MYH14: variants seen among roughly 807,000 people sequenced by gnomAD.
The protein encoded by MYH14 is myosin heavy chain 14, also known as myosin-14.
MYH14 carries 123 observed loss-of-function variants against 255.5 expected under a neutral mutation model. The observed-to-expected ratio is 0.48, with a 90% confidence interval of 0.42 to 0.56. The LOEUF is 0.56. Among genes scored for constraint, MYH14 ranks in the 20% least tolerant of loss-of-function variants. The pLI is 0.00. For synonymous variants in MYH14, 1,095 were observed against 1,161.2 expected, an observed-to-expected ratio of 0.94 and a Z score of 1.16; for missense variants, 2,423 against 2,802.3, an observed-to-expected ratio of 0.86 and a Z score of 3.06.
chr19:50,234,064 C>CCCGCCT (rs1411893164), intron 10 of MYH14, among the ~76,000 whole-genome samples: 1 of 152,022 alleles, frequency 6.6e-6, no homozygotes, highest in African/African-American at 2.4e-5. Flanking sequence ...AAGTGATCCT[C>CCCGCCT]CCGCCTCCGC....
rs2123369917 is a variant in MYH14 at position 50,266,153 on chromosome 19, CG to C, written c.2695-723del. On this transcript the variant is annotated intron_variant, in intron 22 of 42. Transcript: ENST00000642316. This position sits in a 1 kb window ranked among gnomAD's most constrained non-coding sequence, Gnocchi z 4.1. ...AGCAGATCTCACTTAGCAAGGGCGACGAGGTTTTGTGAAATTTTTGTTTCAG... is the reference window on the plus strand; with the variant it reads ...AGCAGATCTCACTTAGCAAGGGCGACAGGTTTTGTGAAATTTTTGTTTCAG... 6.6e-6 allele frequency among the ~76,000 whole-genome samples: 1 copy of C among 152,308 alleles called. No homozygotes were observed. The highest frequency in any genetic ancestry group is 1.5e-5 in the Non-Finnish European group (1 of 68,026).
At chr19:50,303,278 G>A (rs140551034) in intron 40 of MYH14, among the ~76,000 whole-genome samples, 1 of 152,186 alleles carries the variant, frequency 6.6e-6, no homozygotes, top group African/African-American at 2.4e-5. Flanking sequence ...AACAGCATGA[G>A]TGGTATTGGC....
intron 21 of MYH14, among the ~76,000 whole-genome samples, chr19:50,262,225 T>C (rs1341597192): frequency 6.6e-6 from 1 of 152,092 alleles, no homozygotes; most frequent in Non-Finnish European, 1.5e-5. Flanking sequence ...GCTTCAGGAA[T>C]ACAGGGAGTT....
Position 50,293,580 on chromosome 19 carries a change from G to A in MYH14, c.5362G>A (p.Glu1788Lys), listed in dbSNP as rs1479041065. The change falls in exon 39 of 43, where the codon GAG (glutamate) becomes AAG (lysine). Residue 1788 changes from glutamate (E) to lysine (K), a missense_variant. Coordinates refer to ENST00000642316, the MANE Select transcript of MYH14 (RefSeq NM_001145809.2). The surrounding 1 kb of genome is among the most constrained non-coding windows in gnomAD (Gnocchi z 4.1). Reference protein sequence around the residue: ...GNLSKAAILEEKRQLEGRLGQ... With the variant: ...GNLSKAAILEKKRQLEGRLGQ... ...TCTCCCTAGGGCAGCCATTCTGGAG[G>A]AGAAGCGTCAGCTGGAGGGGCGCCT... is the stretch of plus-strand genomic sequence containing the variant. 1.2e-6 allele frequency: 2 copies of A among 1,613,236 alleles called. No homozygotes were observed. Among genetic ancestry groups the A allele is most frequent in the Non-Finnish European group, 1.7e-6 (2 of 1,179,598 alleles).
chr19:50,292,607 C>T (rs1035984234), intron 37 of MYH14, among the ~76,000 whole-genome samples: 3 of 151,298 alleles, frequency 2.0e-5, no homozygotes, highest in South Asian at 2.1e-4. Flanking sequence ...GTGTAAGGCT[C>T]GGGAGGTGGG....
chr19:50,243,466 G>A (rs552819472), intron 10 of MYH14, among the ~76,000 whole-genome samples: 2 of 152,046 alleles, frequency 1.3e-5, no homozygotes, highest in Admixed American at 6.6e-5. Context: ...CTTATTGATC[G>A]GTTGGTGAAA....
intron 1 of MYH14, among the ~76,000 whole-genome samples, chr19:50,206,568 G>A (rs2031766718): frequency 6.6e-6 from 1 of 152,110 alleles, no homozygotes; most frequent in South Asian, 2.1e-4. Flanking sequence ...AGGGTCCAGC[G>A]TTTGAGGCCT....
At chr19:50,302,765 G>C (rs2036535089) in intron 40 of MYH14, among the ~76,000 whole-genome samples, 1 of 152,066 alleles carries the variant, frequency 6.6e-6, no homozygotes, top group Admixed American at 6.6e-5. Flanking sequence ...AGCCGGGCGT[G>C]GTGGCACGTG....
chr19:50,259,204 G>T lies in MYH14; in HGVS notation c.2293G>T (p.Gly765Cys). The change falls in exon 19 of 43, where the codon GGC (glycine) becomes TGC (cysteine). Residue 765 changes from glycine (G) to cysteine (C), a missense_variant. Coordinates refer to ENST00000642316, the MANE Select transcript of MYH14 (RefSeq NM_001145809.2). ...GCTTCGCTGCAACGGGGTCCTGGAG[G>T]GCATCCGCATCTGTCGCCAGGGCTT... ...DQLRCNGVLE[G>C]IRICRQGFPN... The T allele has an allele frequency of 6.3e-7, 1 of 1,583,890 alleles. No homozygotes were observed.
chr19:50,219,612 T>C (rs1467618124), intron 3 of MYH14, among the ~76,000 whole-genome samples: 1 of 151,672 alleles, frequency 6.6e-6, no homozygotes, highest in Non-Finnish European at 1.5e-5. Flanking sequence ...TATCGTTGAA[T>C]TGTAGATCTG....
chr19:50,222,964 C>T (rs2032910418), intron 3 of MYH14, 119 bp from the exon 4 acceptor site: 2 of 1,017,036 alleles, frequency 2.0e-6, no homozygotes, highest in Non-Finnish European at 3.1e-6. Flanking sequence ...ACATCAAGAC[C>T]CAAGCTTTTC....
At chr19:50,205,422 A>G (rs918042179) in intron 1 of MYH14, 15 of 152,516 alleles carry the variant, frequency 9.8e-5, no homozygotes, top group Admixed American at 3.3e-4. Context: ...GCTGGGTGAC[A>G]TCAGAGCCGG....
Position 50,230,745 on chromosome 19 carries a change from G to A in MYH14, c.973+122G>A, listed in dbSNP as rs972865613. The A allele has an allele frequency of 9.0e-6, 7 of 773,872 alleles. No homozygotes were observed. The highest frequency in any genetic ancestry group is 7.3e-5 in the Admixed American group (3 of 41,302). The allele number at this position is 773,872 out of a possible 1,614,324, so 47.9% of individuals were successfully genotyped here. On this transcript the variant is annotated intron_variant, in intron 9 of 42. Transcript: ENST00000642316. This position sits in a 1 kb window ranked among gnomAD's most constrained non-coding sequence, Gnocchi z 4.7. ...CTAATATCCGTCAAACACCGACTTC[G>A]CATGAGGCTCCCGCAGCCCCTGCTC...
intron 13 of MYH14, chr19:50,249,352 C>A: frequency 1.5e-6 from 1 of 652,958 alleles, no homozygotes; most frequent in East Asian, 2.8e-5. Context: ...GGGTCTCTGT[C>A]CCCTGTCTCT....
Position 50,249,485 on chromosome 19 carries a change from G to GTCTCTGGGTCTCTGTCCCCCTC in MYH14, c.1483-123_1483-102dup, listed in dbSNP as rs376251213. On this transcript the variant is annotated intron_variant, in intron 13 of 42. Coordinates refer to ENST00000642316, the MANE Select transcript of MYH14 (RefSeq NM_001145809.2). ...TCCCCTGTCTCTGGCTCTGTCCCCT[G>GTCTCTGGGTCTCTGTCCCCCTC]TCTCTGGGTCTCTGTCCCCCTCTCT... 30 of 713,978 alleles carry GTCTCTGGGTCTCTGTCCCCCTC rather than the reference G, an allele frequency of 4.2e-5. No individual in the cohort carries two copies. The South Asian group carries it at 4.8e-4, about 11-fold the overall frequency. The allele number at this position is 713,978 out of a possible 1,614,324, so 44.2% of individuals were successfully genotyped here. A position where few individuals can be genotyped will look rare whatever the true frequency, so the allele number is the denominator to read the frequency against.
At chr19:50,301,545 C>CT in intron 39 of MYH14, 116 bp from the exon 40 acceptor site, 1 of 697,674 alleles carries the variant, frequency 1.4e-6, no homozygotes, top group South Asian at 1.8e-5. Flanking sequence ...GTTTCAGGCT[C>CT]TGTGCTATGC....
At chr19:50,255,450 C>T (rs1424884893) in intron 17 of MYH14, 132 bp downstream of exon 17, 1 of 696,944 alleles carries the variant, frequency 1.4e-6, no homozygotes, top group East Asian at 2.7e-5. Context: ...TCCTTTCCCT[C>T]CTTGTTGGCT....
intron 10 of MYH14, among the ~76,000 whole-genome samples, chr19:50,239,417 G>T (rs673169): frequency 0.96 from 146,822 of 152,310 alleles, 70,817 homozygotes; most frequent in African/African-American, 0.99. Flanking sequence ...TTTGACACTT[G>T]GGAAGATTAC....
At chr19:50,219,615 T>C (rs2032703301) in intron 3 of MYH14, among the ~76,000 whole-genome samples, 1 of 152,194 alleles carries the variant, frequency 6.6e-6, no homozygotes, top group African/African-American at 2.4e-5. Context: ...CGTTGAATTG[T>C]AGATCTGATC....
Sources: gnomAD v4.1 joint callset for allele counts (sites outside exome capture counted in the v4.1 genomes callset) on GRCh38, gnomAD v4.1.1 for gene constraint, Gnocchi (gnomAD v3.1) non-coding constraint, MANE v1.5 for transcripts, NCBI Gene and HGNC (gene_info 2026-07-23, HGNC 2026-07-21) for gene names.